The following CDC42BPG variants were observed in gnomAD, a reference collection of about 807,000 sequenced individuals.
CDC42BPG encodes the protein CDC42 binding protein kinase gamma, also known as serine/threonine-protein kinase MRCK gamma.
A neutral mutation model predicts 192.2 loss-of-function variants in CDC42BPG; 157 were observed. The ratio of observed to expected loss-of-function variants is 0.82; its 90% CI spans 0.72 to 0.93. The LOEUF is 0.93. CDC42BPG is among the 40% of genes least tolerant of loss of function. CDC42BPG has a pLI of 0.00. For missense variants in CDC42BPG, 1,992 were observed against 2,122.1 expected (o/e 0.94, Z 1.20); for synonymous variants, 981 against 918.5 (o/e 1.07, Z -1.23).
At position 64,827,748 on chromosome 11, in the gene CDC42BPG, T is replaced by C; in HGVS notation, c.4003A>G (p.Asn1335Asp). Residue 1335 changes from asparagine (N) to aspartate (D), a missense_variant, in exon 31 of 37, where the codon AAC (asparagine) becomes GAC (aspartate). Transcript: ENST00000342711. ...CTCACGTCAAACACATCGATGGAGT[T>C]CTCGCTGAACACTGTCAGGTAGGGG... The part of the protein sequence containing the change: ...AAPYLTVFSE[N>D]SIDVFDVRRA... 1 of 1,612,826 alleles carries C rather than the reference T, an allele frequency of 6.2e-7. No homozygotes were observed. The highest frequency in any genetic ancestry group is 8.5e-7 in the Non-Finnish European group (1 of 1,179,356).
intron 1 of CDC42BPG, 81 bp from the exon 2 acceptor site, chr11:64,841,985 G>T: frequency 8.5e-7 from 1 of 1,175,678 alleles, no homozygotes; most frequent in Non-Finnish European, 1.2e-6. Context: ...GCCAGGAGCT[G>T]CCGCTCCTGT....
rs151000912 is a variant in CDC42BPG at position 64,829,592 on chromosome 11, G to C, written c.3846C>G (p.Ala1282=). ...GGAACTCGCTGAGGCTAAGCTCCAC[G>C]GCACCCAGTGCCTCACCCAGGCCCC... is the stretch of plus-strand genomic sequence containing the variant. ...SRGGLGEALG[A]VELSLSEFLL... Residue 1282 remains alanine, a synonymous_variant, in exon 30 of 37, where the codon GCC becomes GCG. Coordinates refer to ENST00000342711, the MANE Select transcript of CDC42BPG (RefSeq NM_017525.3). The C allele has an allele frequency of 3.1e-6, 5 of 1,612,100 alleles. No homozygotes were observed. The South Asian group carries it at 3.3e-5, about 11-fold the overall frequency.
intron 36 of CDC42BPG, 80 bp downstream of exon 36, chr11:64,826,390 G>A: frequency 1.0e-6 from 1 of 964,660 alleles, no homozygotes; most frequent in Non-Finnish European, 1.6e-6. Context: ...CCTAGCCTAG[G>A]TCACTGTGCA....
At position 64,839,049 on chromosome 11, in the gene CDC42BPG, T is replaced by C. The variant is rs1800767374; in HGVS notation, c.860A>G (p.Lys287Arg). ...YAESLVETYG[K>R]IMNHEDHLQF... ...TGTCCAGACCTCGTGGTTCATGATC[T>C]TGCCGTAGGTTTCCACCAAGGACTC... Residue 287 changes from lysine (K) to arginine (R), a missense_variant, in exon 7 of 37, where the codon AAG becomes AGG. Physicochemically the swap from Lys to Arg is conservative, Grantham distance 26 (BLOSUM62 2). Coordinates refer to ENST00000342711, the MANE Select transcript of CDC42BPG (RefSeq NM_017525.3). 2.5e-6 allele frequency: 4 copies of C among 1,613,626 alleles called. No individual in the cohort carries two copies. Among genetic ancestry groups the C allele is most frequent in the Non-Finnish European group, 3.4e-6 (4 of 1,180,022 alleles).
Position 64,834,943 on chromosome 11 carries a change from G to A in CDC42BPG, c.2081C>T (p.Ser694Leu). ...ILSWVNDEKV[S>L]RGYLQALATK... ...GGCCAGGGCCTGCAGGTAGCCTCTT[G>A]AGACCTTCTCATCATTCACCCTGAA... Residue 694 changes from serine to leucine, a missense_variant, in exon 18 of 37, where the codon TCA (serine) becomes TTA (leucine). By Grantham distance (145) the Ser-to-Leu change is moderately radical. This residue lies in a region of CDC42BPG where 1,656 missense variants were observed against 1,844.3 expected (regional missense o/e 0.90). Transcript: ENST00000342711. 1 of 1,614,116 alleles carries A rather than the reference G, an allele frequency of 6.2e-7. No homozygotes were observed. The highest frequency in any genetic ancestry group is 8.5e-7 in the Non-Finnish European group (1 of 1,180,018).
chr11:64,843,542 C>T (rs1458885245), intron 1 of CDC42BPG, among the ~76,000 whole-genome samples: 1 of 152,148 alleles, frequency 6.6e-6, no homozygotes, highest in Admixed American at 6.5e-5. Context: ...GTGCCAGGAA[C>T]GCTAGTTGCC....
At chr11:64,839,389 G>A (rs1943175674) in intron 6 of CDC42BPG, 89 bp downstream of exon 6, 1 of 1,502,802 alleles carries the variant, frequency 6.7e-7, no homozygotes, top group East Asian at 2.3e-5. Flanking sequence ...GGGGCCTGAT[G>A]CCTCTGCACT....
At chr11:64,839,766 T>C (rs1284593761) in intron 5 of CDC42BPG, among the ~76,000 whole-genome samples, 195 bp from the exon 6 acceptor site, 1 of 151,860 alleles carries the variant, frequency 6.6e-6, no homozygotes, top group African/African-American at 2.4e-5. Context: ...GATGGCTAGA[T>C]TGTAGAAAGG....
At chr11:64,825,108 G>T (rs1006276980) in intron 36 of CDC42BPG, among the ~76,000 whole-genome samples, 21 of 152,128 alleles carry the variant, frequency 1.4e-4, no homozygotes, top group Admixed American at 3.9e-4. Context: ...GTAGAGACAG[G>T]GTTTCACCAT....
chr11:64,828,147 G>A (rs528120049), intron 30 of CDC42BPG, among the ~76,000 whole-genome samples: 7 of 152,274 alleles, frequency 4.6e-5, no homozygotes, highest in African/African-American at 4.8e-5. Context: ...GGGCAGCTTG[G>A]GTGATATGCG....
chr11:64,839,595 G>A (rs1185395156), intron 5 of CDC42BPG, 24 bp from the exon 6 acceptor site: 1 of 1,599,950 alleles, frequency 6.3e-7, no homozygotes, highest in African/African-American at 1.3e-5. Flanking sequence ...GGCAGGGAGA[G>A]TGAGGCGTTT....
Position 64,838,772 on chromosome 11 carries a change from A to G in CDC42BPG, c.1007T>C (p.Phe336Ser). 2 of 1,612,932 alleles carry G rather than the reference A, an allele frequency of 1.2e-6. No individual in the cohort carries two copies. The highest frequency in any genetic ancestry group is 8.5e-7 in the Non-Finnish European group (1 of 1,180,026). Residue 336 changes from phenylalanine (F) to serine (S), a missense_variant, in exon 8 of 37, where the codon TTC (phenylalanine) becomes TCC (serine). By Grantham distance (155) the Phe-to-Ser change is radical. Around this residue, in one of 2 missense-constraint regions of CDC42BPG, gnomAD observed 1,656 missense variants for 1,844.3 expected, o/e 0.90. Transcript: ENST00000342711. The stretch of plus-strand genomic sequence containing the variant: ...CCGCTCCCAGTCCACGCCTTCGAAG[A>G]AAGGATGGTTCCGGAAGTCATCCAG... ...GGLDDFRNHPFFEGVDWERLA... is the reference protein window; with the variant it reads ...GGLDDFRNHPSFEGVDWERLA...
At chr11:64,842,147 G>A (rs1408968736) in intron 1 of CDC42BPG, among the ~76,000 whole-genome samples, 1 of 152,168 alleles carries the variant, frequency 6.6e-6, no homozygotes, top group Non-Finnish European at 1.5e-5. Context: ...TGGACCCCTG[G>A]CCCCAGACTC....
chr11:64,836,449 T>C lies in CDC42BPG; in HGVS notation c.1466A>G (p.Gln489Arg). Residue 489 changes from glutamine to arginine, a missense_variant, in exon 12 of 37, where the codon CAG becomes CGG. Gln to Arg is a conservative substitution (Grantham distance 43). This residue lies in a region of CDC42BPG where 1,656 missense variants were observed against 1,844.3 expected (regional missense o/e 0.90). Transcript: ENST00000342711. ...CACCCGGTGAAGTCGGTCAAGCTCC[T>C]GCCGTAGGTCACTGTCCTGACCTGG... ...GSPGQDSDLR[Q>R]ELDRLHRELA... is the part of the protein sequence containing the mutation. The C allele has an allele frequency of 6.2e-7, 1 of 1,612,770 alleles. No homozygotes were observed. The highest frequency in any genetic ancestry group is 1.7e-4 in the Middle Eastern group (1 of 6,058).
chr11:64,834,673 G>A, intron 18 of CDC42BPG, 96 bp from the exon 19 acceptor site: 1 of 1,435,406 alleles, frequency 7.0e-7, no homozygotes, highest in Non-Finnish European at 9.2e-7. Context: ...ATGCCACCCA[G>A]CCAGGCTCAA....
At chr11:64,839,282 G>T in intron 6 of CDC42BPG, 49 bp from the exon 7 acceptor site, 1 of 1,605,064 alleles carries the variant, frequency 6.2e-7, no homozygotes, top group Non-Finnish European at 8.5e-7. Context: ...GGCTTGGCTG[G>T]GACTGCTGGC....
In CDC42BPG at chr11:64,829,707, C is replaced by T. The variant is rs1432579157; in HGVS notation, c.3731G>A (p.Gly1244Asp). The change falls in exon 30 of 37, where the codon GGT becomes GAT. Residue 1244 changes from glycine (G) to aspartate (D), a missense_variant. Coordinates refer to ENST00000342711, the MANE Select transcript of CDC42BPG (RefSeq NM_017525.3). Reference protein sequence around the residue: ...LGDRLCVGAAGGFALYPLLNE... With the variant: ...LGDRLCVGAADGFALYPLLNE... ...GAGCAGCGGGTAGAGTGCAAAGCCA[C>T]CGGCGGCGCCCACACATAGCCGGTC... is the stretch of plus-strand genomic sequence containing the variant. 1 of 1,610,606 alleles carries T rather than the reference C, an allele frequency of 6.2e-7. No individual in the cohort carries two copies. Among genetic ancestry groups the T allele is most frequent in the East Asian group, 2.2e-5 (1 of 44,820 alleles).
At chr11:64,840,297 G>A (rs764978483) in intron 4 of CDC42BPG, 29 bp from the exon 5 acceptor site, 18 of 1,602,234 alleles carry the variant, frequency 1.1e-5, no homozygotes, top group African/African-American at 2.7e-5. Context: ...AATCAGACCC[G>A]GGGGAAGGGT....
rs779161440 is a variant in CDC42BPG at position 64,834,830 on chromosome 11, G to C, written c.2175+19C>G. 3.7e-6 allele frequency: 6 copies of C among 1,603,784 alleles called. No individual in the cohort carries two copies. The South Asian group carries it at 6.6e-5, about 18-fold the overall frequency. On this transcript the variant is annotated intron_variant, in intron 18 of 36. Coordinates refer to ENST00000342711, the MANE Select transcript of CDC42BPG (RefSeq NM_017525.3). ...GTGACTTGCCCAAGCCAGCCCCCAG[G>C]GGCATCTCTGGGGCTCACCAGTGGC...
Sources: gnomAD v4.1 joint callset for allele counts (sites outside exome capture counted in the v4.1 genomes callset) on GRCh38, gnomAD v4.1.1 for gene constraint, gnomAD v4.1.1 regional missense constraint, MANE v1.5 for transcripts, NCBI Gene and HGNC (gene_info 2026-07-23, HGNC 2026-07-21) for gene names.